COQ3: variants seen among roughly 807,000 people sequenced by gnomAD.
COQ3 encodes the protein coenzyme Q3, methyltransferase, also known as ubiquinone biosynthesis O-methyltransferase, mitochondrial.
COQ3 carries 29 observed loss-of-function variants against 33.1 expected under a neutral mutation model. The observed-to-expected ratio is 0.88, with a 90% CI of 0.65 to 1.19. The LOEUF (loss-of-function observed/expected upper bound fraction) is 1.19. Among genes scored for constraint, COQ3 ranks in the 50% most tolerant of loss-of-function variants. The pLI is 0.00. For synonymous variants in COQ3, 173 were observed against 157.8 expected (o/e 1.10, Z -0.72); for missense variants, 437 against 430.7 (o/e 1.01, Z -0.13).
At position 99,370,338 on chromosome 6, in the gene COQ3, T is replaced by A. The variant is rs1468896481; in HGVS notation, c.890-518A>T. Among the ~76,000 whole-genome samples the A allele has an allele frequency of 7.4e-5, 10 of 135,058 alleles. No homozygotes were observed. The East Asian group carries it at 1.5e-3, about 21-fold the overall frequency. The allele number at this position is 135,058 out of a possible 152,430, so 88.6% of individuals were successfully genotyped here. On this transcript the variant is annotated intron_variant, in intron 6 of 6. Coordinates refer to ENST00000254759, the MANE Select transcript of COQ3 (RefSeq NM_017421.4). ...TTTCTTTTCTTTCTTTCTTTTCTTT[T>A]CTTTACTTTTTTTTTTTTTTTTTTT...
chr6:99,375,237 G>T (rs543996457), intron 5 of COQ3, among the ~76,000 whole-genome samples: 1 of 151,926 alleles, frequency 6.6e-6, no homozygotes, highest in East Asian at 1.9e-4. Flanking sequence ...CAAAGTGCTG[G>T]GATTACAGGT....
At chr6:99,388,610 G>A (rs1774724279) in intron 1 of COQ3, among the ~76,000 whole-genome samples, 1 of 152,090 alleles carries the variant, frequency 6.6e-6, no homozygotes. Flanking sequence ...CACTTTGGGA[G>A]ATTGAGGCAG....
chr6:99,389,636 T>C (rs979776065), intron 1 of COQ3, among the ~76,000 whole-genome samples: 2 of 152,174 alleles, frequency 1.3e-5, no homozygotes, highest in African/African-American at 2.4e-5. Flanking sequence ...TTTTAAAGTA[T>C]CAGTTTCTCT....
At chr6:99,388,021 G>A (rs948621941) in intron 1 of COQ3, among the ~76,000 whole-genome samples, 3 of 151,950 alleles carry the variant, frequency 2.0e-5, no homozygotes, top group Admixed American at 1.3e-4. Flanking sequence ...AAAATTAGCC[G>A]GGCATAGTGG....
rs1319096807 is a variant in COQ3, at chr6:99,375,324, G to T, written c.729+616C>A. Among the ~76,000 whole-genome samples, 6 of 151,336 alleles carry T rather than the reference G, an allele frequency of 4.0e-5. No individual in the cohort carries two copies. In the East Asian group the frequency reaches 9.7e-4, roughly 25 times the overall value. ...ATCTGTTAAGTATTTAATCCCGACTGCACCAGTGGAAAAATACTGCTATAA... is the reference window on the plus strand; with the variant it reads ...ATCTGTTAAGTATTTAATCCCGACTTCACCAGTGGAAAAATACTGCTATAA... On this transcript the variant is annotated intron_variant, in intron 5 of 6. Coordinates refer to ENST00000254759, the MANE Select transcript of COQ3 (RefSeq NM_017421.4).
chr6:99,370,420 C>G (rs1257526751), intron 6 of COQ3, among the ~76,000 whole-genome samples: 1 of 130,458 alleles, frequency 7.7e-6, no homozygotes, highest in East Asian at 2.4e-4. Context: ...ACAATCTTGA[C>G]TCACTGCAAC....
At chr6:99,382,566 G>T (rs1056946208) in intron 2 of COQ3, among the ~76,000 whole-genome samples, 1 of 152,082 alleles carries the variant, frequency 6.6e-6, no homozygotes, top group African/African-American at 2.4e-5. Context: ...TTTACAATAG[G>T]TAACAGTAGG....
At chr6:99,379,102 T>A (rs995947083) in intron 3 of COQ3, among the ~76,000 whole-genome samples, 3 of 152,012 alleles carry the variant, frequency 2.0e-5, no homozygotes, top group Admixed American at 2.0e-4. Context: ...GCCATGTTGG[T>A]GTGCTGCACC....
rs1774435339 is a variant in COQ3, at chr6:99,380,336, G to A, written c.239C>T (p.Pro80Leu). The change falls in exon 3 of 7, where the codon CCT (proline) becomes CTT (leucine). Residue 80 changes from proline (P) to leucine (L), a missense_variant. Pro to Leu is a moderately conservative substitution (Grantham distance 98). Coordinates refer to ENST00000254759, the MANE Select transcript of COQ3 (RefSeq NM_017421.4). ...CLNRIKSFRY[P>L]WARLYSTSQT... ...GGAAGTACTGTACAGTCTCGCCCAA[G>A]GGTACCTAAAAGGTGAAAATGAAGA... The A allele has an allele frequency of 1.9e-6, 3 of 1,613,284 alleles. No individual in the cohort carries two copies. The highest frequency in any genetic ancestry group is 1.7e-5 in the Admixed American group (1 of 59,788).
intron 2 of COQ3, among the ~76,000 whole-genome samples, 191 bp from the exon 3 acceptor site, chr6:99,380,532 G>A (rs559211257): frequency 4.6e-5 from 7 of 152,088 alleles, no homozygotes; most frequent in East Asian, 1.9e-4. Context: ...ATTCACAGAC[G>A]AAACAAAATT....
chr6:99,380,130 T>C (rs1258102492), intron 3 of COQ3, 59 bp downstream of exon 3: 3 of 1,514,104 alleles, frequency 2.0e-6, no homozygotes, highest in Non-Finnish European at 2.7e-6. Context: ...AAAATGAATG[T>C]GAAATATGAA....
At chr6:99,378,978 C>T (rs1774386541) in intron 3 of COQ3, among the ~76,000 whole-genome samples, 1 of 149,684 alleles carries the variant, frequency 6.7e-6, no homozygotes. Flanking sequence ...TTGCTTGTAG[C>T]TGCTCCCTTG....
intron 1 of COQ3, among the ~76,000 whole-genome samples, chr6:99,384,875 C>T (rs1350972396): frequency 6.6e-6 from 1 of 152,138 alleles, no homozygotes; most frequent in Non-Finnish European, 1.5e-5. Context: ...CTTTCGGAGG[C>T]TGAAGCAAGC....
At chr6:99,386,855 T>C (rs1476398741) in intron 1 of COQ3, among the ~76,000 whole-genome samples, 1 of 151,924 alleles carries the variant, frequency 6.6e-6, no homozygotes, top group Non-Finnish European at 1.5e-5. Flanking sequence ...TACCAAACAC[T>C]TAAAGAGATA....
At chr6:99,370,995 G>T (rs1032313513) in intron 6 of COQ3, among the ~76,000 whole-genome samples, 1 of 152,126 alleles carries the variant, frequency 6.6e-6, no homozygotes, top group African/African-American at 2.4e-5. Flanking sequence ...ATAAAGTCAT[G>T]CTGTAAGTAA....
rs1774059302 is a variant in COQ3 at position 99,369,460 on chromosome 6, C to G, written c.*140G>C. 7.6e-6 allele frequency: 5 copies of G among 660,088 alleles called. No individual in the cohort carries two copies. In the South Asian group the frequency reaches 1.0e-4, roughly 13 times the overall value. 40.9% of individuals were successfully genotyped at this position (660,088 alleles called of 1,614,324 possible). On this transcript the variant is annotated 3_prime_UTR_variant, in exon 7 of 7. Transcript: ENST00000254759. The stretch of plus-strand genomic sequence containing the variant: ...TGAAAGTAGCTATTAGACGAAATAA[C>G]AAAAACTTTTGTCCAAGGTTTTAGC...
At chr6:99,392,482 G>A (rs1471462674) in intron 1 of COQ3, among the ~76,000 whole-genome samples, 2 of 152,024 alleles carry the variant, frequency 1.3e-5, no homozygotes, top group African/African-American at 4.8e-5. Context: ...AATGTGTCAT[G>A]GCCAAAAAGG....
chr6:99,376,994 A>ATGTGTG lies in COQ3; in HGVS notation c.486+386_486+391dup, dbSNP rs140372356. On this transcript the variant is annotated intron_variant, in intron 4 of 6. Coordinates refer to ENST00000254759, the MANE Select transcript of COQ3 (RefSeq NM_017421.4). The stretch of plus-strand genomic sequence containing the variant: ...AAAAAGATTAAAATCAATATTATGG[A>ATGTGTG]TGTGTGTGTGTGTGTGTGTGTGTGT... Among the ~76,000 whole-genome samples, 135 of 138,998 alleles carry ATGTGTG rather than the reference A, an allele frequency of 9.7e-4. 1 individual carries two copies. Among genetic ancestry groups the ATGTGTG allele is most frequent in the Admixed American group, 2.1e-3 (30 of 13,996 alleles). The allele number at this position is 138,998 out of a possible 152,430, so 91.2% of individuals were successfully genotyped here.
At chr6:99,391,909 G>A (rs563622851) in intron 1 of COQ3, among the ~76,000 whole-genome samples, 32 of 152,204 alleles carry the variant, frequency 2.1e-4, no homozygotes, top group Non-Finnish European at 2.8e-4. Context: ...TGAGGTGGGA[G>A]GACCAATTGA....
Sources: gnomAD v4.1 joint callset for allele counts (sites outside exome capture counted in the v4.1 genomes callset) on GRCh38, gnomAD v4.1.1 for gene constraint, MANE v1.5 for transcripts, NCBI Gene and HGNC (gene_info 2026-07-23, HGNC 2026-07-21) for gene names.